THAP3: variants seen among roughly 807,000 people sequenced by gnomAD.
THAP3 encodes THAP domain containing 3, also known as THAP domain-containing protein 3.
Under a neutral mutation model 17.7 loss-of-function variants are expected in THAP3, and 12 were observed. That is an observed-to-expected ratio of 0.68 (90% confidence interval 0.43 to 1.10). The LOEUF (loss-of-function observed/expected upper bound fraction) is 1.10. Among genes scored for constraint, THAP3 ranks in the 50% least tolerant of loss-of-function variants. THAP3 has a pLI of 0.00. For missense variants in THAP3, 289 were observed against 318.0 expected (o/e 0.91, Z 0.69); for synonymous variants, 133 against 126.9 (o/e 1.05, Z -0.32).
chr1:6,634,297 C>G, downstream of THAP3: 1 of 912,652 alleles, frequency 1.1e-6, no homozygotes, highest in Non-Finnish European at 1.6e-6. Context: ...CAGGCTCATG[C>G]AACACGACGC....
rs1570252795 is a variant in THAP3, at chr1:6,633,463, T to G, written c.*386T>G. The G allele has an allele frequency of 6.1e-6, 7 of 1,143,364 alleles. No individual in the cohort carries two copies. Among genetic ancestry groups the G allele is most frequent in the Non-Finnish European group, 7.6e-6 (7 of 923,920 alleles). The allele number at this position is 1,143,364 out of a possible 1,614,324, so 70.8% of individuals were successfully genotyped here. A position where few individuals can be genotyped will look rare whatever the true frequency, so the allele number is the denominator to read the frequency against. ...GGCTGGCTCTGTGGCGGGTGAGTGG[T>G]CCCCTCCTCCATCAGCCTGGACAGC... On this transcript the variant is annotated 3_prime_UTR_variant, in exon 6 of 6. Coordinates refer to ENST00000054650, the MANE Select transcript of THAP3 (RefSeq NM_001195753.2).
downstream of THAP3, chr1:6,634,665 C>G: frequency 1.5e-6 from 2 of 1,366,422 alleles, no homozygotes; most frequent in South Asian, 1.1e-5. Context: ...CCTAGCTCCG[C>G]TGCATTCTGC....
chr1:6,625,184 C>T lies in THAP3; in HGVS notation c.-35C>T. On this transcript the variant is annotated 5_prime_UTR_variant, in exon 2 of 6. Coordinates refer to ENST00000054650, the MANE Select transcript of THAP3 (RefSeq NM_001195753.2). ...CTCTCCGCAGGCCCCGCCGCCGCCG[C>T]CATCTTTGTTGGGGGCAGCCAGGCC... 3 of 1,532,426 alleles carry T rather than the reference C, an allele frequency of 2.0e-6. No homozygotes were observed. The highest frequency in any genetic ancestry group is 2.6e-6 in the Non-Finnish European group (3 of 1,142,734). The allele number at this position is 1,532,426 out of a possible 1,614,324, so 94.9% of individuals were successfully genotyped here. A position where few individuals can be genotyped will look rare whatever the true frequency, so the allele number is the denominator to read the frequency against.
Position 6,632,846 on chromosome 1 carries a change from C to T in THAP3, c.489C>T (p.Gly163=). 6.2e-7 allele frequency: 1 copy of T among 1,612,944 alleles called. No homozygotes were observed. The highest frequency in any genetic ancestry group is 8.5e-7 in the Non-Finnish European group (1 of 1,179,906). The change falls in exon 6 of 6, where the codon GGC becomes GGT. Residue 163 remains glycine, a synonymous_variant. Coordinates refer to ENST00000054650, the MANE Select transcript of THAP3 (RefSeq NM_001195753.2). ...CAGAGGCTGTTGGCCGGCCGACTGG[C>T]CCTGCAGGCCTGAGAAGGACCCCCA... The part of the protein sequence containing the change: ...QATEAVGRPT[G]PAGLRRTPNK...
chr1:6,632,046 C>A (rs1292330720), intron 4 of THAP3, among the ~76,000 whole-genome samples: 519 of 111,180 alleles, frequency 4.7e-3, no homozygotes, highest in Admixed American at 5.2e-3. Context: ...GATTCCGTCT[C>A]AAAAAAAAAA....
chr1:6,625,169 GC>G lies in THAP3; in HGVS notation c.-46del, dbSNP rs1460246135. 3 of 1,521,252 alleles carry G rather than the reference GC, an allele frequency of 2.0e-6. No homozygotes were observed. The highest frequency in any genetic ancestry group is 2.0e-5 in the Admixed American group (1 of 50,346). The allele number at this position is 1,521,252 out of a possible 1,614,324, so 94.2% of individuals were successfully genotyped here. A position where few individuals can be genotyped will look rare whatever the true frequency, so the allele number is the denominator to read the frequency against. ...CCGCAGGTCCCTCCCCTCTCCGCAG[GC>G]CCCGCCGCCGCCGCCATCTTTGTTG... is the stretch of plus-strand genomic sequence containing the variant. On this transcript the variant is annotated 5_prime_UTR_variant, in exon 2 of 6. Coordinates refer to ENST00000054650, the MANE Select transcript of THAP3 (RefSeq NM_001195753.2).
intron 2 of THAP3, among the ~76,000 whole-genome samples, chr1:6,626,138 C>T (rs959172224): frequency 1.3e-5 from 2 of 151,816 alleles, no homozygotes; most frequent in Admixed American, 6.6e-5. Flanking sequence ...GGAGACCCTA[C>T]CTCTACAAAT....
chr1:6,628,146 C>T (rs1320190503), intron 2 of THAP3: 3 of 238,556 alleles, frequency 1.3e-5, no homozygotes, highest in Non-Finnish European at 1.7e-5. Flanking sequence ...TGTGGCTCAT[C>T]ACTGTGCCCC....
downstream of THAP3, chr1:6,634,594 G>A (rs1263628973): frequency 1.5e-6 from 2 of 1,366,050 alleles, no homozygotes; most frequent in African/African-American, 3.0e-5. Context: ...CCACTTCCAG[G>A]CCCCGAGAGA....
chr1:6,634,005 C>CT, downstream of THAP3: 1 of 1,611,336 alleles, frequency 6.2e-7, no homozygotes, highest in Non-Finnish European at 8.5e-7. Flanking sequence ...AACTTGGGGT[C>CT]TATTTATTTC....
At chr1:6,630,903 C>T (rs540595479) in intron 4 of THAP3, among the ~76,000 whole-genome samples, 20 of 150,940 alleles carry the variant, frequency 1.3e-4, no homozygotes, top group African/African-American at 4.4e-4. Context: ...GAGATAGCAT[C>T]TTGCTATTTT....
Position 6,625,152 on chromosome 1 carries a change from C to G in THAP3, c.-67C>G. On this transcript the variant is annotated splice_region_variant and 5_prime_UTR_variant, in exon 2 of 6. Coordinates refer to ENST00000054650, the MANE Select transcript of THAP3 (RefSeq NM_001195753.2). Reference sequence around the variant, plus strand: ...AGCGGCCCCGCCCCTCCCCGCAGGTCCCTCCCCTCTCCGCAGGCCCCGCCG... The same window carrying G: ...AGCGGCCCCGCCCCTCCCCGCAGGTGCCTCCCCTCTCCGCAGGCCCCGCCG... The G allele has an allele frequency of 9.0e-6, 12 of 1,337,100 alleles. No homozygotes were observed. The highest frequency in any genetic ancestry group is 2.5e-4 in the Middle Eastern group (1 of 3,974). The allele number at this position is 1,337,100 out of a possible 1,614,324, so 82.8% of individuals were successfully genotyped here. A position where few individuals can be genotyped will look rare whatever the true frequency, so the allele number is the denominator to read the frequency against.
chr1:6,634,492 C>A, downstream of THAP3: 1 of 1,337,604 alleles, frequency 7.5e-7, no homozygotes, highest in Non-Finnish European at 9.9e-7. Context: ...GGGCTGGAGG[C>A]CGGCGCAGCT....
At chr1:6,625,438 T>G in intron 2 of THAP3, 146 bp downstream of exon 2, 27 of 488,458 alleles carry the variant, frequency 5.5e-5, no homozygotes, top group East Asian at 6.2e-5. Flanking sequence ...CCAGAGGGGC[T>G]GGCGCCGCCG....
rs1381457598 is a variant in THAP3 at position 6,628,706 on chromosome 1, C to T, written c.267+15C>T. 7 of 1,605,930 alleles carry T rather than the reference C, an allele frequency of 4.4e-6. No individual in the cohort carries two copies. The highest frequency in any genetic ancestry group is 1.1e-5 in the South Asian group (1 of 90,006). ...ACCCCACACAGGTAGGAGGGCACTG[C>T]ACCTTCCGTCTGGTCACATCCAGCC... is the stretch of plus-strand genomic sequence containing the variant. On this transcript the variant is annotated intron_variant, in intron 3 of 5. Coordinates refer to ENST00000054650, the MANE Select transcript of THAP3 (RefSeq NM_001195753.2).
chr1:6,630,600 A>G (rs1053953481), intron 4 of THAP3, among the ~76,000 whole-genome samples: 6 of 151,814 alleles, frequency 4.0e-5, no homozygotes, highest in African/African-American at 1.5e-4. Flanking sequence ...TTTGAGACTG[A>G]GTCTCGCTCT....
chr1:6,630,201 C>T, intron 3 of THAP3, 87 bp from the exon 4 acceptor site: 5 of 1,171,544 alleles, frequency 4.3e-6, no homozygotes, highest in South Asian at 3.6e-5. Flanking sequence ...GTGGGCCGAG[C>T]AGCGGGGACA....
In THAP3 at chr1:6,625,336, G is replaced by T. The variant is rs768558025; in HGVS notation, c.74+44G>T. ...GGGGCGCGGGAGGCCCAGACCCGGG[G>T]CCCGCGGACCGACTCCGAGGCCTTG... On this transcript the variant is annotated intron_variant, in intron 2 of 5. Coordinates refer to ENST00000054650, the MANE Select transcript of THAP3 (RefSeq NM_001195753.2). 2.0e-6 allele frequency: 3 copies of T among 1,497,206 alleles called. No individual in the cohort carries two copies. The South Asian group carries it at 3.8e-5, about 19-fold the overall frequency. The allele number at this position is 1,497,206 out of a possible 1,614,324, so 92.7% of individuals were successfully genotyped here.
chr1:6,628,340 C>T, intron 2 of THAP3, 159 bp from the exon 3 acceptor site: 4 of 638,888 alleles, frequency 6.3e-6, no homozygotes, highest in Non-Finnish European at 1.0e-5. Flanking sequence ...ACAGCTGTGA[C>T]AGAAGCTTCC....
Sources: allele counts gnomAD v4.1 joint callset (sites outside exome capture counted in the v4.1 genomes callset), GRCh38; gene constraint gnomAD v4.1.1; transcripts MANE v1.5; gene names NCBI Gene and HGNC (gene_info 2026-07-23, HGNC 2026-07-21).